SIDT2: variants seen among roughly 807,000 people sequenced by gnomAD.
SIDT2 encodes the protein SID1 transmembrane family, member 2.
SIDT2 carries 68 observed loss-of-function variants against 114.4 expected under a neutral mutation model. The ratio of observed to expected loss-of-function variants is 0.59; its 90% CI spans 0.49 to 0.73. The LOEUF (loss-of-function observed/expected upper bound fraction) is 0.73. SIDT2 is among the 30% of genes least tolerant of loss of function. SIDT2 has a pLI of 0.00. For synonymous variants in SIDT2, 470 were observed against 438.4 expected (o/e 1.07, Z -0.90); for missense variants, 918 against 1,097.1 (o/e 0.84, Z 2.31).
intron 22 of SIDT2, 82 bp from the exon 23 acceptor site, chr11:117,193,071 T>A: frequency 6.8e-7 from 1 of 1,477,024 alleles, no homozygotes; most frequent in Non-Finnish European, 9.5e-7. Flanking sequence ...AACATCATAA[T>A]AAAACATGCC....
chr11:117,193,021 TG>T, intron 22 of SIDT2, 131 bp from the exon 23 acceptor site: 1 of 1,325,284 alleles, frequency 7.5e-7, no homozygotes, highest in Non-Finnish European at 1.1e-6. Context: ...TCTTGGCATC[TG>T]GGCTTCTAGA....
chr11:117,186,480 C>A, intron 9 of SIDT2, 104 bp from the exon 10 acceptor site: 1 of 1,162,016 alleles, frequency 8.6e-7, no homozygotes, highest in Non-Finnish European at 1.2e-6. Context: ...AGGACAGGGT[C>A]ATAGCGATGA....
chr11:117,188,769 G>A lies in SIDT2; in HGVS notation c.1221G>A (p.Glu407=). ...TGGACTCCATGAGCTCTGTGGAGGA[G>A]GATGACTACGACACATTGACCGACA... The part of the protein sequence containing the change: ...PRVDSMSSVE[E]DDYDTLTDID... Residue 407 remains glutamate (E), a synonymous_variant, in exon 13 of 26, where the codon GAG becomes GAA. Coordinates refer to ENST00000324225, the MANE Select transcript of SIDT2 (RefSeq NM_001040455.2). The surrounding 1 kb of genome is among the most constrained non-coding windows in gnomAD (Gnocchi z 4.0). The A allele has an allele frequency of 1.3e-5, 21 of 1,614,184 alleles. No individual in the cohort carries two copies. Among genetic ancestry groups the A allele is most frequent in the Non-Finnish European group, 1.7e-5 (20 of 1,180,024 alleles).
At chr11:117,187,279 T>G in intron 10 of SIDT2, 99 bp from the exon 11 acceptor site, 1 of 1,209,424 alleles carries the variant, frequency 8.3e-7, no homozygotes, top group Non-Finnish European at 1.2e-6. Flanking sequence ...TGGCATGGCC[T>G]CCCTGTGGCT....
At chr11:117,191,748 C>A in intron 18 of SIDT2, 130 bp from the exon 19 acceptor site, 2 of 1,311,168 alleles carry the variant, frequency 1.5e-6, no homozygotes, top group Non-Finnish European at 2.1e-6. Context: ...TGCCACCCTG[C>A]CACCAGCTCA....
In SIDT2 at chr11:117,192,057, G is replaced by T; in HGVS notation, c.1872+43G>T. 6.2e-7 allele frequency: 1 copy of T among 1,611,286 alleles called. No individual in the cohort carries two copies. Among genetic ancestry groups the T allele is most frequent in the East Asian group, 2.2e-5 (1 of 44,800 alleles). On this transcript the variant is annotated intron_variant, in intron 19 of 25. Transcript: ENST00000324225. The surrounding 1 kb of genome is among the most constrained non-coding windows in gnomAD (Gnocchi z 5.9). ...TCTGCTCAGCCTGTATGATAGGAAA[G>T]GTGCACGTGCGTTCAGACACGTAGT...
intron 8 of SIDT2, 104 bp from the exon 9 acceptor site, chr11:117,186,026 T>C: frequency 1.1e-6 from 1 of 879,448 alleles, no homozygotes; most frequent in Non-Finnish European, 1.8e-6. Flanking sequence ...GGGAGAAGGG[T>C]GAGAGATTGA....
At chr11:117,195,424 C>T (rs2030862276) in intron 24 of SIDT2, among the ~76,000 whole-genome samples, 1 of 152,196 alleles carries the variant, frequency 6.6e-6, no homozygotes, top group Non-Finnish European at 1.5e-5. Flanking sequence ...AACAATGAGC[C>T]TGCAGAAAGA....
In SIDT2 at chr11:117,190,774, T is replaced by C; in HGVS notation, c.1735+34T>C. The C allele has an allele frequency of 3.2e-6, 5 of 1,541,568 alleles. No homozygotes were observed. The highest frequency in any genetic ancestry group is 2.2e-5 in the East Asian group (1 of 44,522). ...GGCGTCCTTCTTTTCTGGCTCAACCTACAGCAGGGACCTGCCTGAGTCCTT... is the reference window on the plus strand; with the variant it reads ...GGCGTCCTTCTTTTCTGGCTCAACCCACAGCAGGGACCTGCCTGAGTCCTT... On this transcript the variant is annotated intron_variant, in intron 18 of 25. Transcript: ENST00000324225. The surrounding 1 kb of genome is among the most constrained non-coding windows in gnomAD (Gnocchi z 4.1).
At chr11:117,191,826 G>A in intron 18 of SIDT2, 52 bp from the exon 19 acceptor site, 1 of 1,599,170 alleles carries the variant, frequency 6.3e-7, no homozygotes, top group African/African-American at 1.3e-5. Flanking sequence ...GGAGTTCTCT[G>A]CTGGGGCTTG....
intron 1 of SIDT2, among the ~76,000 whole-genome samples, chr11:117,180,269 T>C (rs1311103369): frequency 6.6e-6 from 1 of 152,202 alleles, no homozygotes; most frequent in African/African-American, 2.4e-5. Flanking sequence ...GTTTGGTTTC[T>C]GTGGCAGGCC....
intron 24 of SIDT2, among the ~76,000 whole-genome samples, chr11:117,194,698 A>G (rs1169666472): frequency 6.6e-6 from 1 of 152,208 alleles, no homozygotes; most frequent in Non-Finnish European, 1.5e-5. Flanking sequence ...CACAGGCAAG[A>G]CGGGGCAGGA....
intron 1 of SIDT2, among the ~76,000 whole-genome samples, chr11:117,180,433 T>TA (rs1433169645): frequency 1.3e-5 from 2 of 151,844 alleles, no homozygotes; most frequent in Non-Finnish European, 2.9e-5. Context: ...AGCAGCCCAA[T>TA]AACAAGCATT....
chr11:117,190,809 C>G lies in SIDT2; in HGVS notation c.1735+69C>G. On this transcript the variant is annotated intron_variant, in intron 18 of 25. Coordinates refer to ENST00000324225, the MANE Select transcript of SIDT2 (RefSeq NM_001040455.2). The surrounding 1 kb of genome is among the most constrained non-coding windows in gnomAD (Gnocchi z 4.1). ...ACCTGCCTGAGTCCTTCACTATCCC[C>G]AAGTCACCCACAGGGATCGCTAAGA... 1 of 1,272,410 alleles carries G rather than the reference C, an allele frequency of 7.9e-7. No homozygotes were observed. Among genetic ancestry groups the G allele is most frequent in the Non-Finnish European group, 1.1e-6 (1 of 871,866 alleles). The allele number at this position is 1,272,410 out of a possible 1,614,324, so 78.8% of individuals were successfully genotyped here. A position where few individuals can be genotyped will look rare whatever the true frequency, so the allele number is the denominator to read the frequency against.
At chr11:117,193,491 G>T (rs1329829063) in intron 23 of SIDT2, among the ~76,000 whole-genome samples, 1 of 152,236 alleles carries the variant, frequency 6.6e-6, no homozygotes, top group Non-Finnish European at 1.5e-5. Flanking sequence ...GGCTGCAGTT[G>T]TAAGTGCCCC....
rs372888860 is a variant in SIDT2, at chr11:117,187,520, C to T, written c.1087+71C>T. ...TCTCCTTAGGCCACCACCTCCGAGG[C>T]GGTAAAGTGGGAGCCACCTCCTCCA... On this transcript the variant is annotated intron_variant, in intron 11 of 25. Coordinates refer to ENST00000324225, the MANE Select transcript of SIDT2 (RefSeq NM_001040455.2). 1.7e-5 allele frequency: 27 copies of T among 1,593,484 alleles called. No homozygotes were observed. In the African/African-American group the frequency reaches 2.9e-4, roughly 17 times the overall value.
In SIDT2 at chr11:117,184,088, C is replaced by A; in HGVS notation, c.817C>A (p.Gln273Lys). 6.2e-7 allele frequency: 1 copy of A among 1,614,128 alleles called. No individual in the cohort carries two copies. The highest frequency in any genetic ancestry group is 1.1e-5 in the South Asian group (1 of 91,052). The change falls in exon 8 of 26, where the codon CAA becomes AAA. Residue 273 changes from glutamine to lysine, a missense_variant. Gln to Lys is a moderately conservative substitution (Grantham distance 53, BLOSUM62 1). Transcript: ENST00000324225. The stretch of plus-strand genomic sequence containing the variant: ...TTTACTTCCAGATGAACCGGTCGAT[C>A]AAGGGCACCGCCAGAAAACCCTGTC... ...YPFAEDEPVD[Q>K]GHRQKTLSVL...
At chr11:117,180,180 C>T (rs954169867) in intron 1 of SIDT2, among the ~76,000 whole-genome samples, 1 of 152,170 alleles carries the variant, frequency 6.6e-6, no homozygotes, top group African/African-American at 2.4e-5. Flanking sequence ...GTCTCTTGCT[C>T]TCTCTCCATG....
At position 117,188,895 on chromosome 11, in the gene SIDT2, C is replaced by A; in HGVS notation, c.1278+69C>A. On this transcript the variant is annotated intron_variant, in intron 13 of 25. Coordinates refer to ENST00000324225, the MANE Select transcript of SIDT2 (RefSeq NM_001040455.2). The surrounding 1 kb of genome is among the most constrained non-coding windows in gnomAD (Gnocchi z 4.0). ...GGGACATTCTGCGTTCCCGCCCCAG[C>A]ATGTTCCCACTGACGTGGCATTTAG... 7.0e-7 allele frequency: 1 copy of A among 1,430,248 alleles called. No homozygotes were observed. The highest frequency in any genetic ancestry group is 9.9e-7 in the Non-Finnish European group (1 of 1,013,046). The allele number at this position is 1,430,248 out of a possible 1,614,324, so 88.6% of individuals were successfully genotyped here.
Sources: allele counts gnomAD v4.1 joint callset (sites outside exome capture counted in the v4.1 genomes callset), GRCh38; gene constraint gnomAD v4.1.1; non-coding constraint Gnocchi (gnomAD v3.1); transcripts MANE v1.5; gene names NCBI Gene and HGNC (gene_info 2026-07-23, HGNC 2026-07-21).